Variants in LNX1 observed in about 807,000 individuals in gnomAD.
The protein encoded by LNX1 is E3 ubiquitin-protein ligase LNX.
Under a neutral mutation model 68.4 loss-of-function variants are expected in LNX1, and 54 were observed. The observed-to-expected ratio is 0.79, with a 90% CI of 0.63 to 0.99. The LOEUF is 0.99. Ranked by LOEUF, LNX1 falls within the 50% of genes least tolerant of loss-of-function variation. LNX1 has a pLI of 0.00. For synonymous variants in LNX1, 336 were observed against 350.0 expected (o/e 0.96, Z 0.45); for missense variants, 906 against 926.4 (o/e 0.98, Z 0.29).
chr4:53,590,423 C>T (rs1732437995), intron 1 of LNX1, among the ~76,000 whole-genome samples: 1 of 152,156 alleles, frequency 6.6e-6, no homozygotes, highest in Non-Finnish European at 1.5e-5. Flanking sequence ...TCCAGTTTTT[C>T]CAGCTCATCC....
At chr4:53,560,005 G>A (rs1196394745) in intron 2 of LNX1, among the ~76,000 whole-genome samples, 1 of 152,034 alleles carries the variant, frequency 6.6e-6, no homozygotes, top group Non-Finnish European at 1.5e-5. Flanking sequence ...GAGCCTACTT[G>A]GAAGCTTAAC....
At chr4:53,626,728 G>A (rs1734089071) in intron 1 of LNX1, among the ~76,000 whole-genome samples, 1 of 152,174 alleles carries the variant, frequency 6.6e-6, no homozygotes, top group South Asian at 2.1e-4. Context: ...AAGGAAATGA[G>A]CTCTTCTTCA....
chr4:53,512,863 G>T (rs1726457851), intron 2 of LNX1, among the ~76,000 whole-genome samples: 1 of 152,102 alleles, frequency 6.6e-6, no homozygotes, highest in Non-Finnish European at 1.5e-5. Context: ...CAGGCTGGGA[G>T]ACTGTGCTGT....
At position 53,502,951 on chromosome 4, in the gene LNX1, G is replaced by A. The variant is rs187722355; in HGVS notation, c.776-4108C>T. Among the ~76,000 whole-genome samples the A allele has an allele frequency of 1.6e-3, 231 of 141,320 alleles. 2 individuals carry two copies. Among genetic ancestry groups the A allele is most frequent in the Middle Eastern group, 7.8e-3 (2 of 258 alleles). 92.7% of individuals were successfully genotyped at this position (141,320 alleles called of 152,430 possible). Reference sequence around the variant, plus strand: ...GGTCATATCTTTTTTTTTTTTTTTAGATGGAATCTTGCTCTGTTGCCCAGG... The same window carrying A: ...GGTCATATCTTTTTTTTTTTTTTTAAATGGAATCTTGCTCTGTTGCCCAGG... On this transcript the variant is annotated intron_variant, in intron 4 of 10. Coordinates refer to ENST00000263925, the MANE Select transcript of LNX1 (RefSeq NM_001126328.3).
chr4:53,513,739 C>T (rs902598095), intron 2 of LNX1, among the ~76,000 whole-genome samples: 6 of 152,224 alleles, frequency 3.9e-5, no homozygotes, highest in Non-Finnish European at 7.3e-5. Context: ...TCATCAGTGC[C>T]TGGATTATCC....
At chr4:53,566,206 C>T (rs1730676044) in intron 2 of LNX1, among the ~76,000 whole-genome samples, 1 of 151,638 alleles carries the variant, frequency 6.6e-6, no homozygotes, top group Admixed American at 6.6e-5. Flanking sequence ...TCAGATTCAC[C>T]AAAGTTGAAA....
At chr4:53,568,580 C>T (rs563870301) in intron 2 of LNX1, among the ~76,000 whole-genome samples, 2 of 147,192 alleles carry the variant, frequency 1.4e-5, no homozygotes, top group South Asian at 2.2e-4. Flanking sequence ...CCTTTGAAAA[C>T]GGGCACAAGA....
At chr4:53,602,348 A>G (rs1473155355) in intron 2 of LNX1, among the ~76,000 whole-genome samples, 1 of 152,184 alleles carries the variant, frequency 6.6e-6, no homozygotes, top group Non-Finnish European at 1.5e-5. Flanking sequence ...TCAGACCACC[A>G]TCCGATCTGA....
rs767764230 is a variant in LNX1 at position 53,459,315 on chromosome 4, C to T, written c.*1592G>A. 26 of 1,500,910 alleles carry T rather than the reference C, an allele frequency of 1.7e-5. No homozygotes were observed. The highest frequency in any genetic ancestry group is 7.1e-5 in the South Asian group (6 of 84,960). The allele number at this position is 1,500,910 out of a possible 1,614,324, so 93.0% of individuals were successfully genotyped here. The stretch of plus-strand genomic sequence containing the variant: ...TTTTTTTTCCAGTAATAGTAGACGT[C>T]GCCATGAAAGTGAAGAAGGAGATAG... On this transcript the variant is annotated 3_prime_UTR_variant, in exon 11 of 11. Transcript: ENST00000263925.
intron 2 of LNX1, among the ~76,000 whole-genome samples, chr4:53,541,605 T>C (rs1728769940): frequency 6.6e-6 from 1 of 152,192 alleles, no homozygotes; most frequent in African/African-American, 2.4e-5. Flanking sequence ...TGAATAGTTC[T>C]GACTTGAGAC....
At position 53,507,314 on chromosome 4, in the gene LNX1, T is replaced by C. The variant is rs1381257116; in HGVS notation, c.775+3A>G. On this transcript the variant is annotated splice_donor_region_variant and intron_variant, in intron 4 of 10. Coordinates refer to ENST00000263925, the MANE Select transcript of LNX1 (RefSeq NM_001126328.3). ...CATCCAGCCTTATGGGGAGTTCATT[T>C]ACCTTCAGGGGCAGTGGTGTTTTCA... 1 of 1,613,652 alleles carries C rather than the reference T, an allele frequency of 6.2e-7. No individual in the cohort carries two copies. The highest frequency in any genetic ancestry group is 8.5e-7 in the Non-Finnish European group (1 of 1,179,808).
chr4:53,608,545 G>A (rs768634190), intron 2 of LNX1, among the ~76,000 whole-genome samples: 2 of 152,138 alleles, frequency 1.3e-5, no homozygotes, highest in Non-Finnish European at 2.9e-5. Context: ...ACCGTGGAAA[G>A]CAGTGTGGAG....
chr4:53,460,282 AAAC>A lies in LNX1; in HGVS notation c.*622_*624del, dbSNP rs1328763806. On this transcript the variant is annotated 3_prime_UTR_variant, in exon 11 of 11. Transcript: ENST00000263925. ...CTTTAGCCATTTCTTACTAAAAACA[AAAC>A]AAGTTTATAATTAATTCTCTGAGCG... is the stretch of plus-strand genomic sequence containing the variant. 3 of 191,260 alleles carry A rather than the reference AAAC, an allele frequency of 1.6e-5. No homozygotes were observed. The highest frequency in any genetic ancestry group is 2.2e-5 in the Non-Finnish European group (2 of 91,474). 11.8% of individuals were successfully genotyped at this position (191,260 alleles called of 1,614,324 possible).
At chr4:53,624,605 G>T (rs1001063215) in intron 1 of LNX1, among the ~76,000 whole-genome samples, 1 of 152,022 alleles carries the variant, frequency 6.6e-6, no homozygotes, top group African/African-American at 2.4e-5. Flanking sequence ...TAGTCTCTTT[G>T]GTGCAACTTC....
chr4:53,648,605 T>A (rs905105931), intron 1 of LNX1, among the ~76,000 whole-genome samples: 2 of 152,188 alleles, frequency 1.3e-5, no homozygotes, highest in African/African-American at 4.8e-5. Flanking sequence ...CATTTTTTAT[T>A]TTGATATATC....
At chr4:53,584,190 T>C (rs1212835448) in intron 1 of LNX1, among the ~76,000 whole-genome samples, 1 of 152,146 alleles carries the variant, frequency 6.6e-6, no homozygotes, top group Non-Finnish European at 1.5e-5. Context: ...TAACCAAGTT[T>C]TACAGAGGGA....
chr4:53,575,589 T>G, intron 1 of LNX1: 1 of 1,280,716 alleles, frequency 7.8e-7, no homozygotes. Context: ...ACTTTCATGG[T>G]GATTAAGAAT....
intron 2 of LNX1, among the ~76,000 whole-genome samples, chr4:53,563,717 TAGAGA>T (rs1730439148): frequency 6.6e-6 from 1 of 152,096 alleles, no homozygotes; most frequent in Admixed American, 6.5e-5. Flanking sequence ...GAATTTTTGG[TAGAGA>T]CGGGGTTTCA....
chr4:53,495,399 G>A (rs1054007949), intron 6 of LNX1, among the ~76,000 whole-genome samples: 3 of 152,166 alleles, frequency 2.0e-5, no homozygotes, highest in Non-Finnish European at 4.4e-5. Context: ...ACTTGCCTGA[G>A]TGATCAAGAA....
Sources: allele counts gnomAD v4.1 joint callset (sites outside exome capture counted in the v4.1 genomes callset), GRCh38; gene constraint gnomAD v4.1.1; transcripts MANE v1.5; gene names NCBI Gene and HGNC (gene_info 2026-07-23, HGNC 2026-07-21).